The following AP2A2 variants were observed in gnomAD, a reference collection of about 807,000 sequenced individuals.
The protein encoded by AP2A2 is adaptor related protein complex 2 subunit alpha 2.
Under a neutral mutation model 104.2 loss-of-function variants are expected in AP2A2, and 32 were observed. The observed-to-expected ratio is 0.31, with a 90% CI of 0.23 to 0.41. The LOEUF is 0.41. AP2A2 is among the 10% of genes least tolerant of loss of function. The pLI is 1.00. For missense variants in AP2A2, 912 were observed against 1,261.0 expected (o/e 0.72, Z 4.19); for synonymous variants, 539 against 533.3 (o/e 1.01, Z -0.15).
At chr11:938,333 G>T (rs1309912295) in intron 1 of AP2A2, among the ~76,000 whole-genome samples, 1 of 152,134 alleles carries the variant, frequency 6.6e-6, no homozygotes, top group Non-Finnish European at 1.5e-5. Flanking sequence ...TGTTTATCCC[G>T]TTAACCCCTT....
Position 982,652 on chromosome 11 carries a change from C to CT in AP2A2, c.705+1368dup, listed in dbSNP as rs879756517. On this transcript the variant is annotated intron_variant, in intron 6 of 21. Transcript: ENST00000448903. ...AACTTGCAGTTTTCTTTGTGGGAAA[C>CT]TTTTTTTTTTTTTTTGAGATAGGGT... is the stretch of plus-strand genomic sequence containing the variant. Among the ~76,000 whole-genome samples, 228 of 140,440 alleles carry CT rather than the reference C, an allele frequency of 1.6e-3. No homozygotes were observed. In the South Asian group the frequency reaches 0.021, roughly 13 times the overall value. The allele number at this position is 140,440 out of a possible 152,430, so 92.1% of individuals were successfully genotyped here.
chr11:1,006,256 C>G (rs115049891), intron 16 of AP2A2, among the ~76,000 whole-genome samples: 1 of 152,220 alleles, frequency 6.6e-6, no homozygotes, highest in African/African-American at 2.4e-5. Context: ...TCTCACCCAT[C>G]CCGTGTGGGT....
chr11:983,446 G>T (rs543954729), intron 6 of AP2A2, among the ~76,000 whole-genome samples: 1 of 151,130 alleles, frequency 6.6e-6, no homozygotes, highest in Non-Finnish European at 1.5e-5. Context: ...GCAGTGGCAC[G>T]ATCTTGGCTC....
chr11:979,534 G>T (rs922307537), intron 5 of AP2A2, among the ~76,000 whole-genome samples: 1 of 152,144 alleles, frequency 6.6e-6, no homozygotes, highest in Non-Finnish European at 1.5e-5. Flanking sequence ...GGCACAGGGC[G>T]AGTGGTGGGG....
At chr11:954,889 T>C (rs553452804) in intron 1 of AP2A2, among the ~76,000 whole-genome samples, 1 of 152,312 alleles carries the variant, frequency 6.6e-6, no homozygotes, top group Non-Finnish European at 1.5e-5. Flanking sequence ...TTATGTGCTG[T>C]TTGTTTTAGT....
intron 6 of AP2A2, among the ~76,000 whole-genome samples, chr11:982,898 A>G (rs1303103868): frequency 2.6e-4 from 40 of 151,232 alleles, no homozygotes; most frequent in Non-Finnish European, 2.9e-5. Flanking sequence ...TGATCTGCCC[A>G]CCTTGGCCTC....
intron 9 of AP2A2, among the ~76,000 whole-genome samples, chr11:987,940 TG>T (rs1484346605): frequency 1.2e-4 from 19 of 152,368 alleles, no homozygotes. Context: ...GGGCTCGTGG[TG>T]GGCATTTGGT....
At chr11:938,427 C>T (rs1178402427) in intron 1 of AP2A2, among the ~76,000 whole-genome samples, 1 of 151,596 alleles carries the variant, frequency 6.6e-6, no homozygotes, top group African/African-American at 2.4e-5. Context: ...TGAGGTAATG[C>T]TTTTTTCTCC....
rs1255934000 is a variant in AP2A2 at position 926,204 on chromosome 11, G to C, written c.67+116G>C. 5 of 696,816 alleles carry C rather than the reference G, an allele frequency of 7.2e-6. No homozygotes were observed. In the South Asian group the frequency reaches 2.7e-4, roughly 38 times the overall value. The allele number at this position is 696,816 out of a possible 1,614,324, so 43.2% of individuals were successfully genotyped here. A position where few individuals can be genotyped will look rare whatever the true frequency, so the allele number is the denominator to read the frequency against. On this transcript the variant is annotated intron_variant, in intron 1 of 21. Transcript: ENST00000448903. ...GGGGTGCAGGCTGGGATGCGGGCGGGGCCCGGGGCCTGAGGGTGCGGGCGG... is the reference window on the plus strand; with the variant it reads ...GGGGTGCAGGCTGGGATGCGGGCGGCGCCCGGGGCCTGAGGGTGCGGGCGG...
At chr11:979,623 G>A (rs1378098101) in intron 5 of AP2A2, among the ~76,000 whole-genome samples, 1 of 152,142 alleles carries the variant, frequency 6.6e-6, no homozygotes, top group Non-Finnish European at 1.5e-5. Flanking sequence ...GTGCAGTGGC[G>A]CGATCTCAGC....
chr11:983,163 C>T (rs951277116), intron 6 of AP2A2, among the ~76,000 whole-genome samples: 4 of 147,450 alleles, frequency 2.7e-5, no homozygotes, highest in Admixed American at 6.8e-5. Context: ...GACTACAGGC[C>T]GTCGCCACCA....
chr11:988,880 C>T (rs571259590), intron 10 of AP2A2, 191 bp downstream of exon 10: 143 of 732,516 alleles, frequency 2.0e-4, no homozygotes, highest in African/African-American at 3.4e-4. Flanking sequence ...CTGTGGTCCC[C>T]GCTACTCCTG....
rs994650428 is a variant in AP2A2, at chr11:1,000,440, T to C, written c.1965T>C (p.Pro655=). 5 of 1,544,156 alleles carry C rather than the reference T, an allele frequency of 3.2e-6. No individual in the cohort carries two copies. Among genetic ancestry groups the C allele is most frequent in the Non-Finnish European group, 3.5e-6 (4 of 1,147,576 alleles). ...APASTSAVST[P]SPSADLLGLG... ...CCTTCCTTCTCTTCCAGTCTACGCC[T>C]TCTCCGTCGGCAGACCTGCTGGGTC... Residue 655 remains proline, a synonymous_variant, in exon 15 of 22, where the codon CCT becomes CCC. Coordinates refer to ENST00000448903, the MANE Select transcript of AP2A2 (RefSeq NM_012305.4).
At chr11:926,502 G>A (rs761532928) in intron 1 of AP2A2, among the ~76,000 whole-genome samples, 16 of 152,152 alleles carry the variant, frequency 1.1e-4, no homozygotes, top group Non-Finnish European at 2.1e-4. Context: ...CCACCAAGGG[G>A]GTTCCGGGCC....
intron 5 of AP2A2, among the ~76,000 whole-genome samples, chr11:980,453 C>T (rs1855197200): frequency 2.2e-5 from 1 of 45,132 alleles, no homozygotes; most frequent in Non-Finnish European, 5.4e-5. Context: ...TGTCCTGGAG[C>T]GGTGACAGGG....
At chr11:963,438 TA>T (rs959248471) in intron 2 of AP2A2, among the ~76,000 whole-genome samples, 29 of 147,196 alleles carry the variant, frequency 2.0e-4, no homozygotes, top group East Asian at 5.9e-4. Flanking sequence ...AAAAAAAAAC[TA>T]AAAAAAAAAC....
chr11:1,006,226 C>T (rs1253992665), intron 16 of AP2A2, among the ~76,000 whole-genome samples: 1 of 152,242 alleles, frequency 6.6e-6, no homozygotes, highest in Non-Finnish European at 1.5e-5. Flanking sequence ...GTGGGTCCTT[C>T]CCCGTGCATA....
chr11:978,086 C>G (rs946875514), intron 5 of AP2A2, among the ~76,000 whole-genome samples: 2 of 152,172 alleles, frequency 1.3e-5, no homozygotes, highest in Non-Finnish European at 2.9e-5. Context: ...CAGCCCCAGG[C>G]CTGTACCCAG....
At chr11:1,009,431 C>T (rs201861373) in intron 20 of AP2A2, 34 bp downstream of exon 20, 16 of 1,584,126 alleles carry the variant, frequency 1.0e-5, no homozygotes, top group Middle Eastern at 1.8e-4. Flanking sequence ...CCGGGGGACA[C>T]GCAGCCCGTG....
Sources: allele counts gnomAD v4.1 joint callset (sites outside exome capture counted in the v4.1 genomes callset), GRCh38; gene constraint gnomAD v4.1.1; transcripts MANE v1.5; gene names NCBI Gene and HGNC (gene_info 2026-07-23, HGNC 2026-07-21).